ITGA6: variants seen among roughly 807,000 people sequenced by gnomAD.
The protein encoded by ITGA6 is integrin subunit alpha 6.
Under a neutral mutation model 133.6 loss-of-function variants are expected in ITGA6, and 63 were observed. That is an observed-to-expected ratio of 0.47 (90% CI 0.38 to 0.58). ITGA6 has a LOEUF of 0.58. Among genes scored for constraint, ITGA6 ranks in the 20% least tolerant of loss-of-function variants. ITGA6 has a pLI of 0.00. For missense variants in ITGA6, 1,068 were observed against 1,309.4 expected, an observed-to-expected ratio of 0.82 and a Z score of 2.85; for synonymous variants, 434 against 482.0, an observed-to-expected ratio of 0.90 and a Z score of 1.30.
chr2:172,449,938 AAAAAAG>A (rs1684916978), intron 1 of ITGA6, among the ~76,000 whole-genome samples: 1 of 151,558 alleles, frequency 6.6e-6, no homozygotes, highest in Non-Finnish European at 1.5e-5. Flanking sequence ...AAAAAAAAAA[AAAAAAG>A]AGAGAGAAGA....
chr2:172,503,378 T>C (rs1461944050), intron 25 of ITGA6: 7 of 152,182 alleles, frequency 4.6e-5, no homozygotes, highest in Non-Finnish European at 1.0e-4. Flanking sequence ...AAATGTATTT[T>C]TGCAAAAGAA....
At chr2:172,455,119 A>C (rs1685158570) in intron 1 of ITGA6, among the ~76,000 whole-genome samples, 1 of 151,476 alleles carries the variant, frequency 6.6e-6, no homozygotes, top group East Asian at 1.9e-4. Context: ...ATAGTAAGAT[A>C]AGATGAAGGC....
intron 1 of ITGA6, among the ~76,000 whole-genome samples, chr2:172,448,767 C>T (rs1030027298): frequency 2.6e-5 from 4 of 152,272 alleles, no homozygotes; most frequent in Non-Finnish European, 5.9e-5. Flanking sequence ...CTCACACTTG[C>T]CCAACTGGAT....
At chr2:172,428,083 G>C (rs567954192) in intron 1 of ITGA6, 113 bp downstream of exon 1, 23 of 1,063,168 alleles carry the variant, frequency 2.2e-5, no homozygotes, top group Middle Eastern at 7.1e-4. Context: ...CGTGGGTCGC[G>C]CCCGGGCCGG....
At chr2:172,433,071 C>T (rs1684171727) in intron 1 of ITGA6, among the ~76,000 whole-genome samples, 1 of 152,148 alleles carries the variant, frequency 6.6e-6, no homozygotes. Flanking sequence ...GTGTAGCACC[C>T]CCGCTGGCTC....
intron 1 of ITGA6, among the ~76,000 whole-genome samples, chr2:172,440,738 T>G (rs1429727634): frequency 6.6e-6 from 1 of 152,236 alleles, no homozygotes; most frequent in East Asian, 1.9e-4. Context: ...CAACAGCCTT[T>G]GAGAAACCAA....
chr2:172,471,219 GC>G, intron 5 of ITGA6, 114 bp downstream of exon 5: 1 of 1,223,882 alleles, frequency 8.2e-7, no homozygotes, highest in East Asian at 2.4e-5. Context: ...GCCAGGTGGG[GC>G]CGGGCCACTT....
rs200397752 is a variant in ITGA6 at position 172,435,567 on chromosome 2, AC to A, written c.182+7599del. Among the ~76,000 whole-genome samples the A allele has an allele frequency of 5.9e-3, 883 of 149,144 alleles. 9 individuals carry two copies. The highest frequency in any genetic ancestry group is 0.021 in the African/African-American group (846 of 40,232). On this transcript the variant is annotated intron_variant, in intron 1 of 25. Coordinates refer to ENST00000684293, the MANE Select transcript of ITGA6 (RefSeq NM_000210.4). ...AAGGTGCTGAGAACCTGTTGATTGG[AC>A]CTAAGGAATCCAGCTTTGCCACGAC...
At chr2:172,444,614 C>A (rs1684678935) in intron 1 of ITGA6, among the ~76,000 whole-genome samples, 1 of 111,476 alleles carries the variant, frequency 9.0e-6, no homozygotes, top group Non-Finnish European at 1.7e-5. Context: ...CAAAAAAAAC[C>A]AAAAACCCAA....
chr2:172,495,713 G>C (rs16860571), intron 23 of ITGA6, among the ~76,000 whole-genome samples: 1 of 152,122 alleles, frequency 6.6e-6, no homozygotes, highest in African/African-American at 2.4e-5. Flanking sequence ...ACAATATGTG[G>C]AAGTTCTGGT....
intron 4 of ITGA6, among the ~76,000 whole-genome samples, chr2:172,470,124 T>C (rs1685857349): frequency 6.6e-6 from 1 of 152,190 alleles, no homozygotes; most frequent in Non-Finnish European, 1.5e-5. Context: ...ACATAACACT[T>C]TCACTCATCA....
At chr2:172,427,431 C>T, upstream of ITGA6, 1 of 1,025,758 alleles carries the variant, frequency 9.7e-7, no homozygotes, top group Non-Finnish European at 1.2e-6. Flanking sequence ...TCGTGGCTTC[C>T]GGGCAGGTAC....
At chr2:172,467,586 C>G in intron 3 of ITGA6, 26 bp downstream of exon 3, 1 of 1,570,018 alleles carries the variant, frequency 6.4e-7, no homozygotes, top group South Asian at 1.1e-5. Context: ...CATGTTCATC[C>G]TATACTGTTG....
At chr2:172,465,734 T>C in intron 2 of ITGA6, 71 bp downstream of exon 2, 1 of 1,594,170 alleles carries the variant, frequency 6.3e-7, no homozygotes, top group Non-Finnish European at 8.6e-7. Flanking sequence ...GGGAGGAGAG[T>C]GGGGACAAAC....
At position 172,469,106 on chromosome 2, in the gene ITGA6, T is replaced by TTC. The variant is rs1297568844; in HGVS notation, c.388-17_388-16dup. 1 of 1,614,042 alleles carries TTC rather than the reference T, an allele frequency of 6.2e-7. No homozygotes were observed. The highest frequency in any genetic ancestry group is 1.3e-5 in the African/African-American group (1 of 75,052). On this transcript the variant is annotated intron_variant, in intron 3 of 25. Transcript: ENST00000684293. ...GGTTTATAGACAAGAATGGGCTACTTTCTTCCATCTGCTTGCAGACATGTG... is the reference window on the plus strand; with the variant it reads ...GGTTTATAGACAAGAATGGGCTACTTTCTCTTCCATCTGCTTGCAGACATGTG...
At chr2:172,434,722 T>C (rs1191690817) in intron 1 of ITGA6, among the ~76,000 whole-genome samples, 1 of 152,136 alleles carries the variant, frequency 6.6e-6, no homozygotes, top group African/African-American at 2.4e-5. Flanking sequence ...GCTTGCATGT[T>C]TATTTGCCAA....
chr2:172,497,125 T>G (rs2149094017), intron 23 of ITGA6, among the ~76,000 whole-genome samples: 1 of 152,326 alleles, frequency 6.6e-6, no homozygotes, highest in Middle Eastern at 3.4e-3. Flanking sequence ...ATTTTTGTAT[T>G]TCACAACATC....
intron 19 of ITGA6, among the ~76,000 whole-genome samples, chr2:172,489,220 C>A (rs1559150948): frequency 1.3e-5 from 2 of 152,196 alleles, no homozygotes; most frequent in Non-Finnish European, 2.9e-5. Context: ...GGTATATCTA[C>A]ACTGCTGATT....
intron 1 of ITGA6, among the ~76,000 whole-genome samples, chr2:172,445,646 CTT>C (rs1169170817): frequency 7.2e-5 from 8 of 111,330 alleles, no homozygotes; most frequent in African/African-American, 1.9e-4. Flanking sequence ...GAGACTCCGT[CTT>C]TTTTAAAAAA....
Sources: allele counts gnomAD v4.1 joint callset (sites outside exome capture counted in the v4.1 genomes callset), GRCh38; gene constraint gnomAD v4.1.1; transcripts MANE v1.5; gene names NCBI Gene and HGNC (gene_info 2026-07-23, HGNC 2026-07-21).